Variants in PCDHGB2 observed in about 807,000 individuals in gnomAD.
The protein encoded by PCDHGB2 is protocadherin gamma subfamily B, 2, also known as protocadherin gamma-B2.
Under a neutral mutation model 59.3 loss-of-function variants are expected in PCDHGB2, and 55 were observed. The ratio of observed to expected loss-of-function variants is 0.93; its 90% CI spans 0.75 to 1.16. PCDHGB2 has a LOEUF of 1.16. Ranked by LOEUF, PCDHGB2 falls within the 50% of genes most tolerant of loss-of-function variation. The probability of loss-of-function intolerance (pLI) is 0.00; values close to 1 mark genes in which losing one functional copy is unlikely to be tolerated. For synonymous variants in PCDHGB2, 516 were observed against 512.0 expected (o/e 1.01, Z -0.11); for missense variants, 1,228 against 1,198.5 (o/e 1.02, Z -0.36).
In PCDHGB2 at chr5:141,409,582, C is replaced by A. The variant is rs2095287974; in HGVS notation, c.2421+47026C>A. On this transcript the variant is annotated intron_variant, in intron 1 of 3. Coordinates refer to ENST00000522605, the MANE Select transcript of PCDHGB2 (RefSeq NM_018923.3). ...TCGACCAGACGTCCTACGTGGTCCA[C>A]GTGGCCGAGAACAACCCGCCAGGAG... 2.5e-6 allele frequency: 4 copies of A among 1,613,914 alleles called. No homozygotes were observed. The Middle Eastern group carries it at 4.9e-4, about 200-fold the overall frequency.
At chr5:141,369,589 A>C (rs1339057936) in intron 1 of PCDHGB2, among the ~76,000 whole-genome samples, 4 of 152,238 alleles carry the variant, frequency 2.6e-5, no homozygotes, top group Non-Finnish European at 5.9e-5. Flanking sequence ...GCTTTTTACT[A>C]TACTTCTATT....
chr5:141,383,272 G>C (rs369691483), intron 1 of PCDHGB2: 1 of 1,613,802 alleles, frequency 6.2e-7, no homozygotes, highest in Non-Finnish European at 8.5e-7. Flanking sequence ...GGAAATAATA[G>C]ATATTAATGA....
chr5:141,437,252 CTT>C (rs1030396727), intron 1 of PCDHGB2, among the ~76,000 whole-genome samples: 3 of 152,268 alleles, frequency 2.0e-5, no homozygotes, highest in Admixed American at 6.5e-5. Context: ...CTTTCCTTGT[CTT>C]TTTATGTGTA....
intron 3 of PCDHGB2, among the ~76,000 whole-genome samples, chr5:141,509,766 G>A (rs1176830940): frequency 6.6e-6 from 1 of 152,104 alleles, no homozygotes; most frequent in Non-Finnish European, 1.5e-5. Flanking sequence ...TCCCTGAGAT[G>A]TCTAGTCCCC....
At chr5:141,400,684 G>GT (rs1422516327) in intron 1 of PCDHGB2, 1 of 834,872 alleles carries the variant, frequency 1.2e-6, no homozygotes, top group African/African-American at 1.7e-5. Flanking sequence ...TAAATTGTGA[G>GT]TTTTTATGTC....
chr5:141,491,783 A>C lies in PCDHGB2; in HGVS notation c.2422-3024A>C. 1 of 1,539,736 alleles carries C rather than the reference A, an allele frequency of 6.5e-7. No individual in the cohort carries two copies. The highest frequency in any genetic ancestry group is 1.2e-5 in the South Asian group (1 of 82,444). On this transcript the variant is annotated intron_variant, in intron 1 of 3. Coordinates refer to ENST00000522605, the MANE Select transcript of PCDHGB2 (RefSeq NM_018923.3). The surrounding 1 kb of genome is among the most constrained non-coding windows in gnomAD (Gnocchi z 6.9). ...CGTCCTCATAAGGGATTGAACTTGC[A>C]TCCACTCCTCTCCGGCCGGCTTGGT...
At chr5:141,413,179 G>C in intron 1 of PCDHGB2, 1 of 1,602,658 alleles carries the variant, frequency 6.2e-7, no homozygotes. Context: ...GACTACAATG[G>C]CCGCTCAAAG....
rs776008188 is a variant in PCDHGB2, at chr5:141,376,058, A to T, written c.2421+13502A>T. The T allele has an allele frequency of 4.3e-6, 7 of 1,613,282 alleles. No homozygotes were observed. In the East Asian group the frequency reaches 1.3e-4, roughly 31 times the overall value. ...CCAGCCCCCTCTCTCCGCCACTGTC[A>T]CGCTCACCGTGGCCGTGGCCGACAG... On this transcript the variant is annotated intron_variant, in intron 1 of 3. Transcript: ENST00000522605.
intron 1 of PCDHGB2, among the ~76,000 whole-genome samples, chr5:141,401,116 G>A (rs763920346): frequency 1.3e-5 from 2 of 152,036 alleles, no homozygotes; most frequent in African/African-American, 2.4e-5. Flanking sequence ...GGCCGAGGCG[G>A]TTGGATCACA....
chr5:141,378,155 T>C (rs1471483193), intron 1 of PCDHGB2: 1 of 152,258 alleles, frequency 6.6e-6, no homozygotes, highest in Non-Finnish European at 1.5e-5. Flanking sequence ...AATTATTGGG[T>C]TGTTAACAAT....
At chr5:141,384,011 T>C in intron 1 of PCDHGB2, 1 of 1,613,766 alleles carries the variant, frequency 6.2e-7, no homozygotes, top group Non-Finnish European at 8.5e-7. Context: ...CTTTTCTACC[T>C]ACAAGACAGA....
At chr5:141,366,718 G>C (rs772444465) in intron 1 of PCDHGB2, 1 of 1,613,638 alleles carries the variant, frequency 6.2e-7, no homozygotes, top group Non-Finnish European at 8.5e-7. Context: ...TGTCTGATAA[G>C]GTAGATGCAA....
At chr5:141,396,934 G>A (rs1037377516) in intron 1 of PCDHGB2, among the ~76,000 whole-genome samples, 2 of 152,186 alleles carry the variant, frequency 1.3e-5, no homozygotes. Flanking sequence ...GATGAAAGTT[G>A]CCCTGGTAGG....
Position 141,414,566 on chromosome 5 carries a change from A to G in PCDHGB2, c.2421+52010A>G, listed in dbSNP as rs375828619. The stretch of plus-strand genomic sequence containing the variant: ...TTCTCTCAAGTCTCCTACTTTACCT[A>G]TATCCCAGAGAACAACGCCAGGGGT... On this transcript the variant is annotated intron_variant, in intron 1 of 3. Coordinates refer to ENST00000522605, the MANE Select transcript of PCDHGB2 (RefSeq NM_018923.3). The G allele has an allele frequency of 6.6e-5, 106 of 1,613,800 alleles. No homozygotes were observed. Among genetic ancestry groups the G allele is most frequent in the Non-Finnish European group, 8.4e-5 (99 of 1,179,878 alleles).
intron 1 of PCDHGB2, among the ~76,000 whole-genome samples, chr5:141,488,553 T>C (rs2099676887): frequency 6.6e-6 from 1 of 152,166 alleles, no homozygotes; most frequent in South Asian, 2.1e-4. Flanking sequence ...TCAGCTGACA[T>C]TGAGATTTCC....
At chr5:141,480,738 T>C (rs2099524955) in intron 1 of PCDHGB2, among the ~76,000 whole-genome samples, 1 of 152,124 alleles carries the variant, frequency 6.6e-6, no homozygotes, top group Admixed American at 6.5e-5. Flanking sequence ...GGGTGGGACA[T>C]AGGCATCATT....
At chr5:141,409,405 C>T in intron 1 of PCDHGB2, 1 of 1,614,050 alleles carries the variant, frequency 6.2e-7, no homozygotes, top group Non-Finnish European at 8.5e-7. Context: ...CCAATAACTA[C>T]TACAAACTGG....
In PCDHGB2 at chr5:141,423,718, A is replaced by G. The variant is rs1450410707; in HGVS notation, c.2421+61162A>G. The G allele has an allele frequency of 4.8e-6, 5 of 1,049,028 alleles. No homozygotes were observed. In the East Asian group the frequency reaches 2.9e-4, roughly 60 times the overall value. 65.0% of individuals were successfully genotyped at this position (1,049,028 alleles called of 1,614,324 possible). On this transcript the variant is annotated intron_variant, in intron 1 of 3. Coordinates refer to ENST00000522605, the MANE Select transcript of PCDHGB2 (RefSeq NM_018923.3). The stretch of plus-strand genomic sequence containing the variant: ...GTGTCTTGGCACAAGTCTTTTAAGG[A>G]GATGTTTTTTGAGCCTGTTATGAAA...
intron 1 of PCDHGB2, among the ~76,000 whole-genome samples, chr5:141,369,675 G>A: frequency 6.6e-6 from 1 of 152,152 alleles, no homozygotes; most frequent in East Asian, 1.9e-4. Context: ...AGAAGAAAGT[G>A]AAACATAGAA....
Sources: allele counts gnomAD v4.1 joint callset (sites outside exome capture counted in the v4.1 genomes callset), GRCh38; gene constraint gnomAD v4.1.1; non-coding constraint Gnocchi (gnomAD v3.1); transcripts MANE v1.5; gene names NCBI Gene and HGNC (gene_info 2026-07-23, HGNC 2026-07-21).